The following TMTC2 variants were observed in gnomAD, a reference collection of about 807,000 sequenced individuals.
TMTC2 encodes the protein transmembrane O-mannosyltransferase targeting cadherins 2.
A neutral mutation model predicts 82.4 loss-of-function variants in TMTC2; 43 were observed. The ratio of observed to expected loss-of-function variants is 0.52; its 90% CI spans 0.41 to 0.67. TMTC2 has a LOEUF of 0.67. TMTC2 is among the 30% of genes least tolerant of loss of function. TMTC2 has a pLI of 0.00. For synonymous variants in TMTC2, 408 were observed against 381.9 expected (o/e 1.07, Z -0.80); for missense variants, 919 against 1,012.4 (o/e 0.91, Z 1.25).
intron 11 of TMTC2, among the ~76,000 whole-genome samples, chr12:83,090,569 A>T (rs1883807126): frequency 6.6e-6 from 1 of 152,188 alleles, no homozygotes; most frequent in African/African-American, 2.4e-5. Context: ...CTGAAGCAAG[A>T]TACTTAAAAG....
chr12:82,726,223 A>G (rs1390289434), intron 1 of TMTC2, among the ~76,000 whole-genome samples: 1 of 152,248 alleles, frequency 6.6e-6, no homozygotes, highest in Non-Finnish European at 1.5e-5. Context: ...TTTGTAGGGC[A>G]TGACTCCCTA....
intron 11 of TMTC2, among the ~76,000 whole-genome samples, chr12:83,062,616 C>T (rs1342704959): frequency 1.3e-5 from 2 of 151,772 alleles, no homozygotes; most frequent in Non-Finnish European, 1.5e-5. Context: ...ATAATGGGAT[C>T]AGTCTCATTT....
intron 11 of TMTC2, among the ~76,000 whole-genome samples, chr12:83,072,512 TA>T (rs1883153050): frequency 6.6e-6 from 1 of 152,220 alleles, no homozygotes; most frequent in Admixed American, 6.5e-5. Flanking sequence ...ATATATCTGT[TA>T]AGTCCATTTG....
chr12:83,000,061 A>T (rs146156283), intron 8 of TMTC2, among the ~76,000 whole-genome samples: 1 of 152,192 alleles, frequency 6.6e-6, no homozygotes, highest in African/African-American at 2.4e-5. Context: ...AGGTAAATAC[A>T]GCCATTCCAA....
At chr12:82,876,054 GTGGTGGTGGTGGTGATGA>G (rs1483716659) in intron 2 of TMTC2, among the ~76,000 whole-genome samples, 6 of 135,998 alleles carry the variant, frequency 4.4e-5, no homozygotes, top group Non-Finnish European at 9.5e-5. Context: ...GGTGGTGGTG[GTGGTGGTGGTGGTGATGA>G]TGATGATGGT....
At chr12:82,863,540 A>G (rs981309211) in intron 2 of TMTC2, among the ~76,000 whole-genome samples, 16 of 152,232 alleles carry the variant, frequency 1.1e-4, no homozygotes, top group Admixed American at 3.9e-4. Flanking sequence ...TTTACGATTC[A>G]AAAAGTCAAA....
chr12:82,983,003 A>ACT (rs148832038), intron 7 of TMTC2, among the ~76,000 whole-genome samples: 4,618 of 152,050 alleles, frequency 0.03, 107 homozygotes, highest in Non-Finnish European at 0.048. Context: ...AAATTGAAAA[A>ACT]CTGTTTCATC....
chr12:83,033,853 T>A (rs1881552060), intron 9 of TMTC2, among the ~76,000 whole-genome samples: 1 of 149,660 alleles, frequency 6.7e-6, no homozygotes, highest in African/African-American at 2.5e-5. Flanking sequence ...TATGTGTATA[T>A]ATATATGTGT....
intron 8 of TMTC2, among the ~76,000 whole-genome samples, chr12:83,030,228 A>G (rs1275869938): frequency 6.6e-6 from 1 of 151,926 alleles, no homozygotes; most frequent in Admixed American, 6.6e-5. Flanking sequence ...ATTCTGTCAC[A>G]CTCTTCTTAG....
intron 11 of TMTC2, among the ~76,000 whole-genome samples, chr12:83,062,433 A>G (rs1457551160): frequency 6.6e-6 from 1 of 151,796 alleles, no homozygotes; most frequent in Non-Finnish European, 1.5e-5. Flanking sequence ...TCTTCTAAGC[A>G]TGTTTTATTT....
chr12:82,827,938 G>A (rs1371669732), intron 1 of TMTC2, among the ~76,000 whole-genome samples: 1 of 149,856 alleles, frequency 6.7e-6, no homozygotes, highest in Admixed American at 6.7e-5. Flanking sequence ...TGTCGCCTGA[G>A]CTGGAGTGCA....
chr12:82,949,515 A>T (rs79088691), intron 4 of TMTC2, among the ~76,000 whole-genome samples: 12,773 of 152,148 alleles, frequency 0.084, 663 homozygotes, highest in African/African-American at 0.13. Context: ...GCAACCTTGT[A>T]CTTTGGAGGC....
At chr12:82,894,519 C>A (rs1366136501) in intron 2 of TMTC2, among the ~76,000 whole-genome samples, 1 of 152,096 alleles carries the variant, frequency 6.6e-6, no homozygotes, top group Non-Finnish European at 1.5e-5. Context: ...ATTCTAAACC[C>A]CCTTCTGAAT....
intron 11 of TMTC2, among the ~76,000 whole-genome samples, chr12:83,073,988 A>T (rs1329647717): frequency 2.0e-5 from 3 of 151,362 alleles, no homozygotes; most frequent in African/African-American, 7.3e-5. Context: ...TAAATCAAGG[A>T]TTTCTTCTTG....
In TMTC2 at chr12:83,132,666, A is replaced by G. The variant is rs1885301050; in HGVS notation, c.*277A>G. On this transcript the variant is annotated 3_prime_UTR_variant, in exon 12 of 12. Transcript: ENST00000321196. ...ACAGAACCTTTTGGCATTCTTAAAA[A>G]GGGAGGGGTGGGTGTGTAAGTCACA... is the stretch of plus-strand genomic sequence containing the variant. 1 of 347,210 alleles carries G rather than the reference A, an allele frequency of 2.9e-6. No homozygotes were observed. Among genetic ancestry groups the G allele is most frequent in the East Asian group, 6.2e-5 (1 of 16,014 alleles). 21.5% of individuals were successfully genotyped at this position (347,210 alleles called of 1,614,324 possible). A position where few individuals can be genotyped will look rare whatever the true frequency, so the allele number is the denominator to read the frequency against.
intron 8 of TMTC2, among the ~76,000 whole-genome samples, chr12:82,994,673 G>A (rs924860528): frequency 6.6e-6 from 1 of 150,864 alleles, no homozygotes; most frequent in African/African-American, 2.4e-5. Context: ...ACTTGCATTG[G>A]ATACACATTT....
At chr12:82,961,239 A>G (rs368149937) in intron 4 of TMTC2, among the ~76,000 whole-genome samples, 1 of 97,032 alleles carries the variant, frequency 1.0e-5, no homozygotes, top group Admixed American at 1.3e-4. Context: ...TATTGTAACT[A>G]TTGTAACATG....
intron 9 of TMTC2, among the ~76,000 whole-genome samples, chr12:83,045,341 A>C (rs894309658): frequency 2.6e-5 from 4 of 152,162 alleles, no homozygotes; most frequent in African/African-American, 9.7e-5. Context: ...GGGTAAGACA[A>C]ATTACAACCA....
intron 4 of TMTC2, among the ~76,000 whole-genome samples, chr12:82,963,216 A>G (rs1238348498): frequency 6.6e-6 from 1 of 152,054 alleles, no homozygotes; most frequent in Non-Finnish European, 1.5e-5. Flanking sequence ...AGAGGTGGAT[A>G]CAAGAATGAA....
Sources: gnomAD v4.1 joint callset for allele counts (sites outside exome capture counted in the v4.1 genomes callset) on GRCh38, gnomAD v4.1.1 for gene constraint, MANE v1.5 for transcripts, NCBI Gene and HGNC (gene_info 2026-07-23, HGNC 2026-07-21) for gene names.